PTPRK: variants seen among roughly 807,000 people sequenced by gnomAD.
The protein encoded by PTPRK is protein tyrosine phosphatase receptor type K.
In PTPRK, 75 loss-of-function variants were observed where a neutral mutation model predicts 178.0. The observed-to-expected ratio is 0.42, with a 90% CI of 0.35 to 0.51. The LOEUF is 0.51. Among genes scored for constraint, PTPRK ranks in the 20% least tolerant of loss-of-function variants. PTPRK has a pLI of 0.02. For missense variants in PTPRK, 1,441 were observed against 1,797.8 expected (o/e 0.80, Z 3.59); for synonymous variants, 637 against 620.6 (o/e 1.03, Z -0.39).
intron 2 of PTPRK, among the ~76,000 whole-genome samples, chr6:128,357,710 T>C (rs1834144678): frequency 6.6e-6 from 1 of 152,250 alleles, no homozygotes; most frequent in Non-Finnish European, 1.5e-5. Context: ...CTGTCTTTGT[T>C]TTTCAAAATG....
chr6:128,415,666 T>G (rs1324512394), intron 1 of PTPRK, among the ~76,000 whole-genome samples: 13 of 152,198 alleles, frequency 8.5e-5, no homozygotes, highest in Non-Finnish European at 1.6e-4. Context: ...AGATGAGCCT[T>G]GTTGAAGATA....
intron 3 of PTPRK, among the ~76,000 whole-genome samples, chr6:128,288,980 G>C (rs1474735806): frequency 6.6e-6 from 1 of 152,006 alleles, no homozygotes; most frequent in Non-Finnish European, 1.5e-5. Context: ...TGAATCCCAT[G>C]TTCAGCAATC....
At position 127,973,081 on chromosome 6, in the gene PTPRK, C is replaced by T. The variant is rs774535346; in HGVS notation, c.4210G>A (p.Asp1404Asn). The T allele has an allele frequency of 1.2e-5, 20 of 1,614,072 alleles. No individual in the cohort carries two copies. Among genetic ancestry groups the T allele is most frequent in the Non-Finnish European group, 1.5e-5 (18 of 1,179,974 alleles). The change falls in exon 29 of 30, where the codon GAT (aspartate) becomes AAT (asparagine). Residue 1404 changes from aspartate to asparagine, a missense_variant. Around this residue, in one of 4 missense-constraint regions of PTPRK, gnomAD observed 335 missense variants for 512.4 expected, o/e 0.65. Coordinates refer to ENST00000368226, the MANE Select transcript of PTPRK (RefSeq NM_002844.4). ...AGTGTCTTTACTGCATGGAAAACAT[C>T]GACAACATTTTGCCGTTTCACCATT... ...VEMVKRQNVVDVFHAVKTLRN... is the reference protein window; with the variant it reads ...VEMVKRQNVVNVFHAVKTLRN...
At chr6:128,093,410 A>G (rs768518235) in intron 7 of PTPRK, among the ~76,000 whole-genome samples, 24 of 151,910 alleles carry the variant, frequency 1.6e-4, no homozygotes, top group Non-Finnish European at 7.4e-5. Flanking sequence ...CATGAGCAAC[A>G]TGGTGAAACC....
At chr6:128,285,730 G>A (rs768142685) in intron 3 of PTPRK, among the ~76,000 whole-genome samples, 11 of 152,016 alleles carry the variant, frequency 7.2e-5, no homozygotes, top group Non-Finnish European at 1.5e-4. Context: ...CCTTGAACCC[G>A]GGAGGCTTGC....
chr6:128,457,800 T>A (rs1434915892), intron 1 of PTPRK, among the ~76,000 whole-genome samples: 1 of 152,138 alleles, frequency 6.6e-6, no homozygotes, highest in Admixed American at 6.6e-5. Flanking sequence ...CACAGATATG[T>A]GCCTAAATCA....
chr6:128,003,094 A>C, intron 15 of PTPRK: 1 of 1,181,992 alleles, frequency 8.5e-7, no homozygotes, highest in Non-Finnish European at 1.2e-6. Flanking sequence ...CTATTTTCAA[A>C]ATCAAGCTGC....
chr6:128,432,732 T>A (rs909454461), intron 1 of PTPRK, among the ~76,000 whole-genome samples: 2 of 144,934 alleles, frequency 1.4e-5, no homozygotes, highest in South Asian at 4.2e-4. Flanking sequence ...CATACAGGTA[T>A]GTTGTGTTCA....
chr6:128,113,816 C>A, intron 7 of PTPRK, among the ~76,000 whole-genome samples: 1 of 152,054 alleles, frequency 6.6e-6, no homozygotes, highest in East Asian at 1.9e-4. Flanking sequence ...AAGTCACAGT[C>A]CTCTAAATAC....
rs745606045 is a variant in PTPRK, at chr6:128,498,069, A to T, written c.100+22190T>A. ...AAAACAAAAACAAAAGCAAAAAAAC[A>T]ATTAATTTTCTTAGGAGCTGTAAAT... On this transcript the variant is annotated intron_variant, in intron 1 of 29. Coordinates refer to ENST00000368226, the MANE Select transcript of PTPRK (RefSeq NM_002844.4). Among the ~76,000 whole-genome samples, 4 of 152,202 alleles carry T rather than the reference A, an allele frequency of 2.6e-5. No homozygotes were observed. The South Asian group carries it at 8.3e-4, about 32-fold the overall frequency.
chr6:128,041,741 T>C (rs1777197684), intron 13 of PTPRK, among the ~76,000 whole-genome samples: 1 of 151,732 alleles, frequency 6.6e-6, no homozygotes, highest in South Asian at 2.1e-4. Context: ...ATATATTATA[T>C]ATGTATATAT....
At chr6:128,321,959 G>A (rs777645580) in intron 3 of PTPRK, 80 bp downstream of exon 3, 2 of 1,571,172 alleles carry the variant, frequency 1.3e-6, no homozygotes, top group African/African-American at 2.7e-5. Context: ...ACCATGAGAT[G>A]CATATTTACA....
intron 11 of PTPRK, among the ~76,000 whole-genome samples, chr6:128,070,572 A>C (rs1782642974): frequency 6.6e-6 from 1 of 151,986 alleles, no homozygotes; most frequent in Non-Finnish European, 1.5e-5. Context: ...CTGGCTTCCA[A>C]GCATACTTTC....
intron 7 of PTPRK, among the ~76,000 whole-genome samples, chr6:128,153,507 T>C (rs1167007658): frequency 4.6e-5 from 7 of 152,040 alleles, no homozygotes; most frequent in Non-Finnish European, 1.0e-4. Context: ...CAGATTTTGA[T>C]TTAAATTACT....
chr6:128,108,453 G>T (rs978437028), intron 7 of PTPRK, among the ~76,000 whole-genome samples: 1 of 152,076 alleles, frequency 6.6e-6, no homozygotes, highest in African/African-American at 2.4e-5. Context: ...CTAAATGGCA[G>T]ATTTCCCTTG....
intron 2 of PTPRK, among the ~76,000 whole-genome samples, chr6:128,364,847 T>C (rs1046582667): frequency 1.3e-5 from 2 of 152,014 alleles, no homozygotes; most frequent in Non-Finnish European, 2.9e-5. Flanking sequence ...AAGTCTTTAA[T>C]ATTGTGAACC....
intron 25 of PTPRK, among the ~76,000 whole-genome samples, chr6:127,978,402 C>T (rs1287571737): frequency 6.6e-6 from 1 of 152,138 alleles, no homozygotes; most frequent in African/African-American, 2.4e-5. Context: ...GGGCTTCCCC[C>T]TTTGCTTGGC....
At position 128,392,167 on chromosome 6, in the gene PTPRK, T is replaced by C. The variant is rs188741279; in HGVS notation, c.223+5399A>G. On this transcript the variant is annotated intron_variant, in intron 2 of 29. Coordinates refer to ENST00000368226, the MANE Select transcript of PTPRK (RefSeq NM_002844.4). Reference sequence around the variant, plus strand: ...CCTCAGAAAAACACTTAGAGACATATGGCCTTAAACTACTGAATCAGACCT... The same window carrying C: ...CCTCAGAAAAACACTTAGAGACATACGGCCTTAAACTACTGAATCAGACCT... Among the ~76,000 whole-genome samples the C allele has an allele frequency of 5.3e-4, 80 of 152,294 alleles. 2 individuals are homozygous for C. In the Middle Eastern group the frequency reaches 0.027, roughly 52 times the overall value.
intron 13 of PTPRK, among the ~76,000 whole-genome samples, chr6:128,020,722 A>T (rs1172239075): frequency 2.0e-5 from 3 of 152,220 alleles, no homozygotes; most frequent in South Asian, 4.1e-4. Context: ...GATGTGATCT[A>T]AAATAGTAAA....
Sources: allele counts gnomAD v4.1 joint callset (sites outside exome capture counted in the v4.1 genomes callset), GRCh38; gene constraint gnomAD v4.1.1; regional missense constraint gnomAD v4.1.1; transcripts MANE v1.5; gene names NCBI Gene and HGNC (gene_info 2026-07-23, HGNC 2026-07-21).